CEP126: variants seen among roughly 807,000 people sequenced by gnomAD.
CEP126 encodes centrosomal protein 126, also known as centrosomal protein of 126 kDa.
A neutral mutation model predicts 107.8 loss-of-function variants in CEP126; 74 were observed. That is an observed-to-expected ratio of 0.69 (90% CI 0.57 to 0.83). The LOEUF (loss-of-function observed/expected upper bound fraction) is 0.83, where lower values mean the gene tolerates loss of function less well. Among genes scored for constraint, CEP126 ranks in the 40% least tolerant of loss-of-function variants. The probability of loss-of-function intolerance (pLI) is 0.00; values close to 1 mark genes in which losing one functional copy is unlikely to be tolerated. For missense variants in CEP126, 1,237 were observed against 1,281.9 expected (o/e 0.96, Z 0.53); for synonymous variants, 449 against 446.0 (o/e 1.01, Z -0.08).
chr11:101,929,117 CTG>C (rs974450354), intron 2 of CEP126, among the ~76,000 whole-genome samples: 23 of 152,034 alleles, frequency 1.5e-4, no homozygotes, highest in African/African-American at 5.3e-4. Flanking sequence ...TTTTCTGAGA[CTG>C]TTTTTTCATC....
chr11:101,984,816 G>T (rs543488901), intron 8 of CEP126, among the ~76,000 whole-genome samples: 1 of 152,140 alleles, frequency 6.6e-6, no homozygotes, highest in Non-Finnish European at 1.5e-5. Context: ...TTGTGCCTCA[G>T]CTGCTTCTGA....
chr11:101,970,838 T>TA (rs1941118683), intron 6 of CEP126, among the ~76,000 whole-genome samples: 1 of 152,230 alleles, frequency 6.6e-6, no homozygotes, highest in South Asian at 2.1e-4. Flanking sequence ...ATAATATTCT[T>TA]ACGCCCATTT....
At chr11:101,982,813 C>A (rs974915784) in intron 8 of CEP126, among the ~76,000 whole-genome samples, 2 of 152,030 alleles carry the variant, frequency 1.3e-5, no homozygotes, top group African/African-American at 4.8e-5. Flanking sequence ...CTCCAAAATC[C>A]AAAATTTTTT....
chr11:101,968,300 C>A (rs1941083567), intron 6 of CEP126, among the ~76,000 whole-genome samples: 1 of 152,128 alleles, frequency 6.6e-6, no homozygotes. Context: ...AATTCTGTTG[C>A]CATGAGATCC....
chr11:101,966,614 C>G (rs1047096700), intron 6 of CEP126, among the ~76,000 whole-genome samples: 1 of 152,202 alleles, frequency 6.6e-6, no homozygotes, highest in Non-Finnish European at 1.5e-5. Context: ...TCTTTGCCAT[C>G]ATATTGGATA....
intron 4 of CEP126, among the ~76,000 whole-genome samples, chr11:101,948,816 A>G (rs887036474): frequency 1.3e-5 from 2 of 152,236 alleles, no homozygotes; most frequent in Non-Finnish European, 2.9e-5. Flanking sequence ...TGCTTCAGAA[A>G]TATAGAATAG....
chr11:101,968,658 A>G (rs555573487), intron 6 of CEP126, among the ~76,000 whole-genome samples: 1 of 152,344 alleles, frequency 6.6e-6, no homozygotes, highest in Non-Finnish European at 1.5e-5. Flanking sequence ...TCAGTTCCTC[A>G]TAGTATAAGT....
intron 2 of CEP126, 54 bp from the exon 3 acceptor site, chr11:101,944,211 T>C (rs1591276690): frequency 6.9e-7 from 1 of 1,441,070 alleles, no homozygotes; most frequent in East Asian, 2.5e-5. Context: ...ATTTTGAAAC[T>C]ATTTTCTAAA....
At chr11:101,996,566 G>A (rs1013816261) in intron 10 of CEP126, among the ~76,000 whole-genome samples, 1 of 152,108 alleles carries the variant, frequency 6.6e-6, no homozygotes, top group Non-Finnish European at 1.5e-5. Flanking sequence ...GTCTGATAGA[G>A]GAAACATAAA....
chr11:101,976,958 T>C (rs563274926), intron 6 of CEP126, among the ~76,000 whole-genome samples: 2 of 152,328 alleles, frequency 1.3e-5, no homozygotes, highest in South Asian at 2.1e-4. Flanking sequence ...GACTTTTTAT[T>C]GTACTACTAT....
At chr11:101,957,267 T>C (rs1455938385) in intron 4 of CEP126, among the ~76,000 whole-genome samples, 1 of 152,198 alleles carries the variant, frequency 6.6e-6, no homozygotes, top group African/African-American at 2.4e-5. Flanking sequence ...ATTTTTATTC[T>C]CATTAAAGTG....
chr11:101,992,754 G>T, intron 9 of CEP126, 24 bp from the exon 10 acceptor site: 2 of 1,208,254 alleles, frequency 1.7e-6, no homozygotes, highest in Non-Finnish European at 2.3e-6. Context: ...AAATTATTTT[G>T]GTATTGTGAT....
chr11:101,986,932 G>A lies in CEP126; in HGVS notation c.3135G>A (p.Gln1045=), dbSNP rs1013629058. The A allele has an allele frequency of 4.3e-6, 7 of 1,613,588 alleles. No homozygotes were observed. The African/African-American group carries it at 9.3e-5, about 22-fold the overall frequency. ...CTGTCTTGAATAGCAAACAGATACA[G>A]AAATCAAATCTACCTTTAAATAAAA... is the stretch of plus-strand genomic sequence containing the variant. The part of the protein sequence containing the change: ...ILTVLNSKQI[Q]KSNLPLNKTQ... Residue 1045 remains glutamine (Q), a synonymous_variant, in exon 9 of 11, where the codon CAG becomes CAA. Coordinates refer to ENST00000263468, the MANE Select transcript of CEP126 (RefSeq NM_020802.4).
At chr11:101,957,758 TC>T (rs1475263937) in intron 4 of CEP126, among the ~76,000 whole-genome samples, 1 of 152,148 alleles carries the variant, frequency 6.6e-6, no homozygotes, top group Non-Finnish European at 1.5e-5. Flanking sequence ...TACAGTTTTT[TC>T]CTAACCTACT....
chr11:101,939,931 G>A (rs1191433438), intron 2 of CEP126, among the ~76,000 whole-genome samples: 1 of 152,106 alleles, frequency 6.6e-6, no homozygotes, highest in Non-Finnish European at 1.5e-5. Context: ...ATTTGCCCAG[G>A]AAACAAATCT....
At chr11:101,984,214 C>T (rs984632957) in intron 8 of CEP126, among the ~76,000 whole-genome samples, 3 of 152,108 alleles carry the variant, frequency 2.0e-5, no homozygotes, top group Admixed American at 6.6e-5. Flanking sequence ...GTTTTCAAAA[C>T]GAGTTTAGCA....
intron 6 of CEP126, among the ~76,000 whole-genome samples, chr11:101,976,874 A>G (rs984372971): frequency 3.3e-5 from 5 of 152,196 alleles, no homozygotes; most frequent in African/African-American, 4.8e-5. Flanking sequence ...TTCCACTTAT[A>G]GCTATACATA....
At chr11:101,989,726 G>A (rs1015215665) in intron 9 of CEP126, among the ~76,000 whole-genome samples, 11 of 152,294 alleles carry the variant, frequency 7.2e-5, no homozygotes, top group Non-Finnish European at 1.0e-4. Flanking sequence ...TTGGGAGGCC[G>A]AGGCGGGCGG....
At position 101,962,906 on chromosome 11, in the gene CEP126, C is replaced by T; in HGVS notation, c.1871C>T (p.Pro624Leu). 1 of 1,609,564 alleles carries T rather than the reference C, an allele frequency of 6.2e-7. No individual in the cohort carries two copies. The highest frequency in any genetic ancestry group is 8.5e-7 in the Non-Finnish European group (1 of 1,178,934). Residue 624 changes from proline (P) to leucine (L), a missense_variant, in exon 6 of 11, where the codon CCA (proline) becomes CTA (leucine). This residue lies in a region of CEP126 where 1,134 missense variants were observed against 1,150.5 expected (regional missense o/e 0.99). Coordinates refer to ENST00000263468, the MANE Select transcript of CEP126 (RefSeq NM_020802.4). Reference protein sequence around the residue: ...ELTKEKGAEIPKTIKKLRWFD... With the variant: ...ELTKEKGAEILKTIKKLRWFD... ...ACAAAGGAAAAAGGTGCAGAAATTC[C>T]AAAGACCATTAAAAAACTGAGGTGG...
Sources: gnomAD v4.1 joint callset for allele counts (sites outside exome capture counted in the v4.1 genomes callset) on GRCh38, gnomAD v4.1.1 for gene constraint, gnomAD v4.1.1 regional missense constraint, MANE v1.5 for transcripts, NCBI Gene and HGNC (gene_info 2026-07-23, HGNC 2026-07-21) for gene names.